Variants in POLR2B observed in about 807,000 individuals in gnomAD.
POLR2B encodes DNA-directed RNA polymerase II subunit RPB2.
A neutral mutation model predicts 144.6 loss-of-function variants in POLR2B; 57 were observed. That is an observed-to-expected ratio of 0.39 (90% CI 0.32 to 0.49). POLR2B has a LOEUF of 0.49. Ranked by LOEUF, POLR2B falls within the 20% of genes least tolerant of loss-of-function variation. The pLI is 0.83. For synonymous variants in POLR2B, 442 were observed against 469.8 expected (o/e 0.94, Z 0.77); for missense variants, 595 against 1,467.4 (o/e 0.41, Z 9.71).
At chr4:57,000,852 C>T (rs1192684277) in intron 7 of POLR2B, among the ~76,000 whole-genome samples, 8 of 152,008 alleles carry the variant, frequency 5.3e-5, no homozygotes, top group East Asian at 1.9e-4. Flanking sequence ...CGTGCCACCA[C>T]GCCCAGCTAA....
chr4:56,991,981 G>T (rs1722520478), intron 3 of POLR2B, among the ~76,000 whole-genome samples: 1 of 152,024 alleles, frequency 6.6e-6, no homozygotes, highest in Non-Finnish European at 1.5e-5. Flanking sequence ...TTTCTTCATG[G>T]TCTTTGTATA....
At chr4:56,989,242 G>A (rs1722434015) in intron 2 of POLR2B, among the ~76,000 whole-genome samples, 2 of 152,180 alleles carry the variant, frequency 1.3e-5, no homozygotes, top group Non-Finnish European at 2.9e-5. Context: ...CTTATCTATA[G>A]TTTAGAAGCT....
intron 23 of POLR2B, among the ~76,000 whole-genome samples, chr4:57,026,136 G>A (rs1421418017): frequency 6.6e-6 from 1 of 151,794 alleles, no homozygotes. Flanking sequence ...TACTCGGGAG[G>A]CTGAGGCATG....
intron 7 of POLR2B, among the ~76,000 whole-genome samples, chr4:57,001,733 AT>A (rs1722861027): frequency 6.6e-6 from 1 of 152,084 alleles, no homozygotes; most frequent in South Asian, 2.1e-4. Context: ...TAAGGTTACT[AT>A]TTTTGTGGGA....
At chr4:56,989,284 G>A (rs929327813) in intron 2 of POLR2B, among the ~76,000 whole-genome samples, 2 of 152,172 alleles carry the variant, frequency 1.3e-5, no homozygotes, top group Non-Finnish European at 1.5e-5. Context: ...AAAAACCATG[G>A]CTATGTATAT....
chr4:56,979,101 C>A, intron 1 of POLR2B, 97 bp downstream of exon 1: 1 of 1,266,412 alleles, frequency 7.9e-7, no homozygotes, highest in South Asian at 1.2e-5. Flanking sequence ...TCCCATGCGC[C>A]GGCTGCACAG....
chr4:57,006,746 A>G (rs1446820258), intron 9 of POLR2B, 70 bp from the exon 10 acceptor site: 29 of 1,277,276 alleles, frequency 2.3e-5, no homozygotes, highest in African/African-American at 3.0e-5. Context: ...TTTTTTTGCA[A>G]TATTCCTCCT....
chr4:56,982,172 C>T (rs1479149290), intron 1 of POLR2B, among the ~76,000 whole-genome samples: 1 of 151,982 alleles, frequency 6.6e-6, no homozygotes, highest in African/African-American at 2.4e-5. Flanking sequence ...AGGATATCTC[C>T]CAGGCTGCTT....
chr4:57,006,875 G>T lies in POLR2B; in HGVS notation c.1277G>T (p.Gly426Val). The stretch of plus-strand genomic sequence containing the variant: ...TATGCACAGAAATTTATTGATCGAG[G>T]AAAGGATTTTAACTTGGAGTTGGCA... ...RIYAQKFIDR[G>V]KDFNLELAIK... Residue 426 changes from glycine to valine, a missense_variant, in exon 10 of 25, where the codon GGA becomes GTA. Physicochemically the swap from Gly to Val is moderately radical, Grantham distance 109. Coordinates refer to ENST00000314595, the MANE Select transcript of POLR2B (RefSeq NM_000938.3). 6.2e-7 allele frequency: 1 copy of T among 1,613,710 alleles called. No individual in the cohort carries two copies. The highest frequency in any genetic ancestry group is 8.5e-7 in the Non-Finnish European group (1 of 1,179,676).
chr4:57,019,167 A>G (rs985835312), intron 16 of POLR2B, among the ~76,000 whole-genome samples: 1 of 152,182 alleles, frequency 6.6e-6, no homozygotes, highest in Non-Finnish European at 1.5e-5. Context: ...GTATGCATGT[A>G]TCTTTGGGCT....
At chr4:57,025,142 A>T in intron 22 of POLR2B, 143 bp downstream of exon 22, 1 of 623,334 alleles carries the variant, frequency 1.6e-6, no homozygotes, top group Non-Finnish European at 2.8e-6. Flanking sequence ...TCACAAAGTA[A>T]ACACAGCTGC....
At chr4:57,030,860 A>T (rs368572055) in intron 24 of POLR2B, 39 bp from the exon 25 acceptor site, 21 of 1,223,412 alleles carry the variant, frequency 1.7e-5, no homozygotes, top group African/African-American at 4.4e-5. Context: ...GGTCACTTCA[A>T]TACAATTCTG....
chr4:57,005,595 TA>T lies in POLR2B; in HGVS notation c.1098-2del. 8.4e-6 allele frequency: 13 copies of T among 1,548,648 alleles called. No homozygotes were observed. Among genetic ancestry groups the T allele is most frequent in the South Asian group, 1.2e-5 (1 of 81,628 alleles). ...CTTTCTTTCTTTCTTTTTTTTTTTT[TA>T]AAGATACATGGTTCATAGGTTACTT... is the stretch of plus-strand genomic sequence containing the variant. On this transcript the variant is annotated splice_region_variant and splice_polypyrimidine_tract_variant and intron_variant, in intron 8 of 24. Transcript: ENST00000314595.
intron 2 of POLR2B, among the ~76,000 whole-genome samples, chr4:56,988,860 T>C (rs557445684): frequency 1.3e-5 from 2 of 152,288 alleles, no homozygotes; most frequent in African/African-American, 4.8e-5. Flanking sequence ...AGAAAAAATA[T>C]TTTATCTTAG....
chr4:56,978,916 C>G lies in POLR2B; in HGVS notation c.-70C>G. The G allele has an allele frequency of 6.9e-7, 1 of 1,445,070 alleles. No homozygotes were observed. The highest frequency in any genetic ancestry group is 9.7e-7 in the Non-Finnish European group (1 of 1,026,074). The allele number at this position is 1,445,070 out of a possible 1,614,324, so 89.5% of individuals were successfully genotyped here. A position where few individuals can be genotyped will look rare whatever the true frequency, so the allele number is the denominator to read the frequency against. On this transcript the variant is annotated 5_prime_UTR_variant, in exon 1 of 25. Coordinates refer to ENST00000314595, the MANE Select transcript of POLR2B (RefSeq NM_000938.3). ...AAGTTACTTCGTCTTTAGCTCCTGGCGCTGCTGGCTTCTGGGCGGTTTTTG... is the reference window on the plus strand; with the variant it reads ...AAGTTACTTCGTCTTTAGCTCCTGGGGCTGCTGGCTTCTGGGCGGTTTTTG...
At chr4:57,018,826 G>T (rs141113193) in intron 16 of POLR2B, among the ~76,000 whole-genome samples, 3 of 152,324 alleles carry the variant, frequency 2.0e-5, no homozygotes, top group Admixed American at 1.3e-4. Context: ...AGAAGTAGCT[G>T]ATAAGGAGGG....
chr4:57,012,493 G>C, intron 13 of POLR2B, among the ~76,000 whole-genome samples: 1 of 152,128 alleles, frequency 6.6e-6, no homozygotes, highest in South Asian at 2.1e-4. Context: ...TACTGTTTGC[G>C]GAATGTAGTT....
At chr4:56,994,014 G>C (rs936852021) in intron 3 of POLR2B, among the ~76,000 whole-genome samples, 1 of 152,182 alleles carries the variant, frequency 6.6e-6, no homozygotes, top group African/African-American at 2.4e-5. Flanking sequence ...GATGTGTACA[G>C]TCTTTACTTT....
chr4:56,980,634 C>T (rs1171751231), intron 1 of POLR2B, among the ~76,000 whole-genome samples: 1 of 152,058 alleles, frequency 6.6e-6, no homozygotes, highest in Non-Finnish European at 1.5e-5. Flanking sequence ...GCTGGAGGAT[C>T]GCTTGAGCCT....
Sources: gnomAD v4.1 joint callset for allele counts (sites outside exome capture counted in the v4.1 genomes callset) on GRCh38, gnomAD v4.1.1 for gene constraint, MANE v1.5 for transcripts, NCBI Gene and HGNC (gene_info 2026-07-23, HGNC 2026-07-21) for gene names.